Variants in TDRD1 observed in about 807,000 individuals in gnomAD.
TDRD1 encodes tudor domain containing 1.
A neutral mutation model predicts 140.6 loss-of-function variants in TDRD1; 37 were observed. The observed-to-expected ratio is 0.26, with a 90% CI of 0.20 to 0.35. The LOEUF is 0.35. TDRD1 is among the 10% of genes least tolerant of loss of function. The probability of loss-of-function intolerance (pLI) is 1.00; values close to 1 mark genes in which losing one functional copy is unlikely to be tolerated. For missense variants in TDRD1, 1,243 were observed against 1,393.0 expected, an observed-to-expected ratio of 0.89 and a Z score of 1.71; for synonymous variants, 506 against 475.7, an observed-to-expected ratio of 1.06 and a Z score of -0.83.
At chr10:114,180,937 T>G (rs1481865421) in intron 1 of TDRD1, among the ~76,000 whole-genome samples, 1 of 152,138 alleles carries the variant, frequency 6.6e-6, no homozygotes, top group Admixed American at 6.5e-5. Flanking sequence ...AGAAATGACT[T>G]ACCCCACTAT....
At chr10:114,207,351 T>C (rs568427228) in intron 11 of TDRD1, among the ~76,000 whole-genome samples, 2 of 152,356 alleles carry the variant, frequency 1.3e-5, no homozygotes, top group African/African-American at 4.8e-5. Context: ...CAAGTCTTTA[T>C]TGATTCTTCT....
chr10:114,193,899 T>G (rs1047565323), intron 3 of TDRD1, among the ~76,000 whole-genome samples: 3 of 152,194 alleles, frequency 2.0e-5, no homozygotes, highest in Non-Finnish European at 4.4e-5. Context: ...TTCTGATCCT[T>G]TTTATCATAA....
chr10:114,207,653 A>G (rs2035212835), intron 11 of TDRD1, among the ~76,000 whole-genome samples: 1 of 152,032 alleles, frequency 6.6e-6, no homozygotes. Context: ...TAGAGTGAGG[A>G]AGAATGAGGA....
At chr10:114,187,368 G>C (rs1240382044) in intron 1 of TDRD1, among the ~76,000 whole-genome samples, 1 of 152,132 alleles carries the variant, frequency 6.6e-6, no homozygotes, top group Non-Finnish European at 1.5e-5. Context: ...AGAGGGTTCA[G>C]CATATTCAAG....
chr10:114,194,288 A>G (rs1203658891), intron 3 of TDRD1, among the ~76,000 whole-genome samples: 1 of 152,142 alleles, frequency 6.6e-6, no homozygotes, highest in Non-Finnish European at 1.5e-5. Flanking sequence ...TTCTCTAAAC[A>G]TTTGGTAGAA....
At chr10:114,206,401 G>T in intron 11 of TDRD1, 71 bp downstream of exon 11, 4 of 1,245,314 alleles carry the variant, frequency 3.2e-6, no homozygotes, top group Non-Finnish European at 4.6e-6. Context: ...CTAAACAAAG[G>T]CACAACTTTA....
At chr10:114,196,522 C>T (rs2034360458) in intron 3 of TDRD1, among the ~76,000 whole-genome samples, 1 of 152,102 alleles carries the variant, frequency 6.6e-6, no homozygotes, top group Admixed American at 6.5e-5. Context: ...TTAAAGATAC[C>T]TTACTGCCAT....
At chr10:114,226,887 G>C (rs1184887512) in intron 22 of TDRD1, among the ~76,000 whole-genome samples, 185 bp from the exon 23 acceptor site, 1 of 152,158 alleles carries the variant, frequency 6.6e-6, no homozygotes, top group Non-Finnish European at 1.5e-5. Flanking sequence ...TTGATGCCTT[G>C]TTAGGTGATC....
intron 11 of TDRD1, among the ~76,000 whole-genome samples, chr10:114,208,193 G>A (rs952746277): frequency 2.0e-5 from 3 of 152,150 alleles, no homozygotes; most frequent in Admixed American, 6.5e-5. Context: ...TTGGTCAGGA[G>A]GTAAGCTAGA....
intron 8 of TDRD1, among the ~76,000 whole-genome samples, 182 bp from the exon 9 acceptor site, chr10:114,203,891 C>CCTAA (rs1326519844): frequency 6.6e-6 from 1 of 152,130 alleles, no homozygotes; most frequent in Non-Finnish European, 1.5e-5. Context: ...AATAACATGT[C>CCTAA]CTAACTAGAC....
chr10:114,206,505 T>C (rs1333829174), intron 11 of TDRD1, among the ~76,000 whole-genome samples, 175 bp downstream of exon 11: 1 of 152,196 alleles, frequency 6.6e-6, no homozygotes, highest in Admixed American at 6.5e-5. Flanking sequence ...TCTCAATCTT[T>C]CCTGCCTGTT....
intron 13 of TDRD1, among the ~76,000 whole-genome samples, chr10:114,211,566 A>G (rs1447888535): frequency 6.6e-6 from 1 of 152,226 alleles, no homozygotes; most frequent in Non-Finnish European, 1.5e-5. Flanking sequence ...GTATTGATTG[A>G]GACCTTGTGA....
At chr10:114,179,653 C>T (rs2119861899) in intron 1 of TDRD1, 1 of 152,330 alleles carries the variant, frequency 6.6e-6, no homozygotes, top group South Asian at 2.1e-4. Flanking sequence ...CAAATGCAAA[C>T]GTTCACCTTC....
chr10:114,212,829 A>G (rs1209281606), intron 14 of TDRD1, among the ~76,000 whole-genome samples: 1 of 152,230 alleles, frequency 6.6e-6, no homozygotes, highest in Non-Finnish European at 1.5e-5. Context: ...GGTGTTAACT[A>G]TACAATTCAG....
chr10:114,226,269 T>G, intron 22 of TDRD1, 53 bp downstream of exon 22: 1 of 1,288,922 alleles, frequency 7.8e-7, no homozygotes. Flanking sequence ...TTTTTTTTCC[T>G]CTTTATGTTT....
In TDRD1 at chr10:114,226,181, C is replaced by A. The variant is rs576653939; in HGVS notation, c.3140C>A (p.Ala1047Glu). Residue 1047 changes from alanine (A) to glutamate (E), a missense_variant, in exon 22 of 26, where the codon GCG becomes GAG. Physicochemically the swap from Ala to Glu is moderately radical, Grantham distance 107. This residue lies in a region of TDRD1 where 601 missense variants were observed against 734.7 expected (regional missense o/e 0.82). Coordinates refer to ENST00000251864, the Ensembl canonical transcript of TDRD1. ...CAACCAATCACCTCTAGCCACCTGG[C>A]GCTTCCTTTCCAAATTATTAGATGT... 4 of 1,613,586 alleles carry A rather than the reference C, an allele frequency of 2.5e-6. No homozygotes were observed. The East Asian group carries it at 6.7e-5, about 27-fold the overall frequency.
intron 18 of TDRD1, among the ~76,000 whole-genome samples, chr10:114,219,779 A>G (rs561526740): frequency 1.4e-4 from 21 of 152,032 alleles, no homozygotes; most frequent in Admixed American, 9.2e-4. Flanking sequence ...TTTAGTAGAG[A>G]CGGGGTTTCT....
At chr10:114,224,885 A>G (rs1335127216) in intron 21 of TDRD1, among the ~76,000 whole-genome samples, 2 of 152,234 alleles carry the variant, frequency 1.3e-5, no homozygotes, top group East Asian at 3.9e-4. Context: ...TGGTGATCCT[A>G]TGCTGTTCCT....
chr10:114,195,433 TCTAA>T (rs1261902137), intron 3 of TDRD1, among the ~76,000 whole-genome samples: 1 of 152,198 alleles, frequency 6.6e-6, no homozygotes, highest in Non-Finnish European at 1.5e-5. Flanking sequence ...TATTAAAGTC[TCTAA>T]CTATAGTCCT....
Sources: gnomAD v4.1 joint callset for allele counts (sites outside exome capture counted in the v4.1 genomes callset) on GRCh38, gnomAD v4.1.1 for gene constraint, gnomAD v4.1.1 regional missense constraint, MANE v1.5 for transcripts, NCBI Gene and HGNC (gene_info 2026-07-23, HGNC 2026-07-21) for gene names.